Variants in NRXN3 observed in about 807,000 individuals in gnomAD.
NRXN3 encodes neurexin 3, also known as neurexin III.
A neutral mutation model predicts 137.6 loss-of-function variants in NRXN3; 32 were observed. That is an observed-to-expected ratio of 0.23 (90% CI 0.18 to 0.31). The LOEUF is 0.31. Among genes scored for constraint, NRXN3 ranks in the 10% least tolerant of loss-of-function variants. NRXN3 has a pLI of 1.00. For synonymous variants in NRXN3, 798 were observed against 784.5 expected (o/e 1.02, Z -0.29); for missense variants, 1,574 against 2,062.5 (o/e 0.76, Z 4.59).
chr14:78,419,971 A>G (rs2093363645), intron 4 of NRXN3, among the ~76,000 whole-genome samples: 1 of 39,130 alleles, frequency 2.6e-5, no homozygotes, highest in African/African-American at 4.7e-5. Flanking sequence ...GCACACACAC[A>G]CACACACACA....
chr14:79,066,965 T>C, intron 15 of NRXN3, among the ~76,000 whole-genome samples: 1 of 152,142 alleles, frequency 6.6e-6, no homozygotes, highest in East Asian at 1.9e-4. Context: ...TATTTTTTCC[T>C]CTTGCCTGGT....
At chr14:78,546,925 G>A (rs559318554) in intron 4 of NRXN3, among the ~76,000 whole-genome samples, 12 of 152,140 alleles carry the variant, frequency 7.9e-5, no homozygotes, top group African/African-American at 2.2e-4. Flanking sequence ...GTGAATGTGG[G>A]ATTTGAACTC....
At chr14:78,725,048 T>C (rs1281432328) in intron 8 of NRXN3, among the ~76,000 whole-genome samples, 1 of 152,152 alleles carries the variant, frequency 6.6e-6, no homozygotes, top group African/African-American at 2.4e-5. Context: ...AGCAAGACAC[T>C]CTTATCAAAA....
At position 79,254,017 on chromosome 14, in the gene NRXN3, A is replaced by G. The variant is rs141943548; in HGVS notation, c.3263-213204A>G. ...GCATGAGAGCATCTAAAAGAGAAATAATAAAACAAATGGATCCATCTCTCA... is the reference window on the plus strand; with the variant it reads ...GCATGAGAGCATCTAAAAGAGAAATGATAAAACAAATGGATCCATCTCTCA... On this transcript the variant is annotated intron_variant, in intron 15 of 20. Coordinates refer to ENST00000335750, the MANE Select transcript of NRXN3 (RefSeq NM_001330195.2). 1.5e-3 allele frequency among the ~76,000 whole-genome samples: 224 copies of G among 152,212 alleles called. 2 individuals are homozygous for G. The highest frequency in any genetic ancestry group is 1.2e-3 in the Non-Finnish European group (84 of 68,030).
intron 1 of NRXN3, among the ~76,000 whole-genome samples, chr14:78,182,810 TAAGTAGG>T (rs2059925350): frequency 6.6e-6 from 1 of 152,172 alleles, no homozygotes; most frequent in African/African-American, 2.4e-5. Context: ...GCAGCTAGGA[TAAGTAGG>T]AATTCTTATC....
chr14:79,789,406 G>A (rs1016163489), intron 19 of NRXN3, among the ~76,000 whole-genome samples: 2 of 152,084 alleles, frequency 1.3e-5, no homozygotes, highest in Non-Finnish European at 2.9e-5. Flanking sequence ...GAGGGTTCTT[G>A]GATCTCACGC....
chr14:79,834,276 C>A (rs1433644241), intron 20 of NRXN3, among the ~76,000 whole-genome samples: 1 of 83,472 alleles, frequency 1.2e-5, no homozygotes, highest in Non-Finnish European at 2.4e-5. Flanking sequence ...ATGCTGGATT[C>A]CACCTGGAGC....
chr14:78,629,152 G>A (rs1019154298), intron 4 of NRXN3, among the ~76,000 whole-genome samples: 1 of 152,122 alleles, frequency 6.6e-6, no homozygotes, highest in Non-Finnish European at 1.5e-5. Context: ...CAAGGGCTCT[G>A]GGAGTTTCCT....
intron 4 of NRXN3, among the ~76,000 whole-genome samples, chr14:78,388,172 C>T (rs986669029): frequency 2.0e-4 from 30 of 152,304 alleles, no homozygotes; most frequent in African/African-American, 6.7e-4. Flanking sequence ...AAACCTGTCA[C>T]TTCAGTTACA....
At chr14:79,196,775 G>C (rs2065194466) in intron 15 of NRXN3, among the ~76,000 whole-genome samples, 1 of 152,142 alleles carries the variant, frequency 6.6e-6, no homozygotes, top group African/African-American at 2.4e-5. Context: ...GGTATATTGT[G>C]CAGCTCAAAT....
At chr14:79,385,149 T>C (rs903910777) in intron 15 of NRXN3, among the ~76,000 whole-genome samples, 19 of 150,788 alleles carry the variant, frequency 1.3e-4, no homozygotes, top group East Asian at 5.9e-4. Context: ...CATGCTGGTG[T>C]GCTGCACCCA....
intron 16 of NRXN3, among the ~76,000 whole-genome samples, chr14:79,536,824 ATC>A (rs1224406933): frequency 1.3e-5 from 2 of 151,952 alleles, no homozygotes; most frequent in South Asian, 2.1e-4. Flanking sequence ...ATTCCATGGT[ATC>A]TATATACCAC....
intron 15 of NRXN3, chr14:79,314,232 GC>G (rs2087814357): frequency 7.3e-6 from 1 of 136,212 alleles, no homozygotes. Context: ...CCGAAGCAGG[GC>G]GAGGCATTGC....
intron 5 of NRXN3, among the ~76,000 whole-genome samples, chr14:78,650,529 C>T (rs1053357996): frequency 6.6e-6 from 1 of 151,826 alleles, no homozygotes; most frequent in African/African-American, 2.4e-5. Context: ...TGATGGGAGC[C>T]AAGGGAGGGT....
intron 11 of NRXN3, among the ~76,000 whole-genome samples, chr14:78,963,127 T>C (rs1349037013): frequency 1.3e-5 from 2 of 152,022 alleles, no homozygotes; most frequent in African/African-American, 2.4e-5. Context: ...CTTGTACTTA[T>C]CCACATCCAC....
At chr14:78,463,267 C>T (rs982350206) in intron 4 of NRXN3, among the ~76,000 whole-genome samples, 3 of 151,982 alleles carry the variant, frequency 2.0e-5, no homozygotes, top group Non-Finnish European at 4.4e-5. Flanking sequence ...ATGTATATCT[C>T]AAATTTTCCT....
intron 4 of NRXN3, among the ~76,000 whole-genome samples, chr14:78,641,279 T>C (rs1345540912): frequency 6.6e-6 from 1 of 152,196 alleles, no homozygotes; most frequent in African/African-American, 2.4e-5. Flanking sequence ...TTGGAGGTCT[T>C]AGAAGAAAAA....
chr14:79,026,058 A>G (rs1229011121), intron 15 of NRXN3, among the ~76,000 whole-genome samples: 1 of 152,152 alleles, frequency 6.6e-6, no homozygotes, highest in Non-Finnish European at 1.5e-5. Context: ...CCTAGCTGCA[A>G]GGGAAGCTAG....
chr14:79,633,685 G>A (rs770768402), intron 16 of NRXN3, among the ~76,000 whole-genome samples: 12 of 152,118 alleles, frequency 7.9e-5, no homozygotes, highest in Admixed American at 6.5e-4. Flanking sequence ...TATTTTAAAC[G>A]AGACACATAA....
Sources: gnomAD v4.1 joint callset for allele counts (sites outside exome capture counted in the v4.1 genomes callset) on GRCh38, gnomAD v4.1.1 for gene constraint, MANE v1.5 for transcripts, NCBI Gene and HGNC (gene_info 2026-07-23, HGNC 2026-07-21) for gene names.